ATG9A: variants seen among roughly 807,000 people sequenced by gnomAD.
The protein encoded by ATG9A is autophagy related 9A.
Under a neutral mutation model 87.1 loss-of-function variants are expected in ATG9A, and 21 were observed. That is an observed-to-expected ratio of 0.24 (90% confidence interval 0.17 to 0.35). The LOEUF is 0.35. Among genes scored for constraint, ATG9A ranks in the 10% least tolerant of loss-of-function variants. The probability of loss-of-function intolerance (pLI) is 1.00; values close to 1 mark genes in which losing one functional copy is unlikely to be tolerated. For missense variants in ATG9A, 836 were observed against 1,107.3 expected (o/e 0.76, Z 3.48); for synonymous variants, 422 against 441.3 (o/e 0.96, Z 0.55).
At chr2:219,225,711 T>G in intron 5 of ATG9A, 139 bp from the exon 6 acceptor site, 1 of 900,356 alleles carries the variant, frequency 1.1e-6, no homozygotes, top group Non-Finnish European at 1.7e-6. Context: ...GGGCCCTCTC[T>G]GCTCCTCAGC....
rs1950724771 is a variant in ATG9A at position 219,220,317 on chromosome 2, GCA to G, written c.*128_*129del. ...CAGTGTTGGCACCTCCCTTGGCCAG[GCA>G]CAGACACACAAACACCACACACGTG... On this transcript the variant is annotated 3_prime_UTR_variant, in exon 16 of 16. Transcript: ENST00000361242. The G allele has an allele frequency of 7.8e-7, 1 of 1,285,044 alleles. No individual in the cohort carries two copies. The highest frequency in any genetic ancestry group is 1.1e-6 in the Non-Finnish European group (1 of 915,404). 79.6% of individuals were successfully genotyped at this position (1,285,044 alleles called of 1,614,324 possible).
In ATG9A at chr2:219,224,978, A is replaced by T; in HGVS notation, c.516+93T>A. The T allele has an allele frequency of 1.3e-6, 2 of 1,578,726 alleles. No individual in the cohort carries two copies. Among genetic ancestry groups the T allele is most frequent in the Non-Finnish European group, 1.7e-6 (2 of 1,153,008 alleles). On this transcript the variant is annotated intron_variant, in intron 7 of 15. Coordinates refer to ENST00000361242, the MANE Select transcript of ATG9A (RefSeq NM_001077198.3). This position sits in a 1 kb window ranked among gnomAD's most constrained non-coding sequence, Gnocchi z 7.7. ...TTAAGAGACAGTTCCTGATTTGTCA[A>T]TGACAGATAAGGATAACTGATGCCC... is the stretch of plus-strand genomic sequence containing the variant.
At position 219,227,907 on chromosome 2, in the gene ATG9A, T is replaced by A. The variant is rs1271132609; in HGVS notation, c.103+15A>T. The A allele has an allele frequency of 6.2e-7, 1 of 1,613,828 alleles. No homozygotes were observed. Among genetic ancestry groups the A allele is most frequent in the Admixed American group, 1.7e-5 (1 of 60,004 alleles). The stretch of plus-strand genomic sequence containing the variant: ...CCATCAACTCTCCCTATGGCTGTCA[T>A]ATCCAAGAACTCACACTTGCTCCCC... On this transcript the variant is annotated intron_variant, in intron 3 of 15. Coordinates refer to ENST00000361242, the MANE Select transcript of ATG9A (RefSeq NM_001077198.3).
rs1950815281 is a variant in ATG9A at position 219,223,983 on chromosome 2, C to T, written c.1305G>A (p.Glu435=). The T allele has an allele frequency of 6.2e-7, 1 of 1,613,602 alleles. No individual in the cohort carries two copies. The highest frequency in any genetic ancestry group is 1.3e-5 in the African/African-American group (1 of 74,938). The change falls in exon 9 of 16, where the codon GAG becomes GAA. Residue 435 remains glutamate, a synonymous_variant. Transcript: ENST00000361242. The surrounding 1 kb of genome is among the most constrained non-coding windows in gnomAD (Gnocchi z 4.7). Reference sequence around the variant, plus strand: ...GAGCGAGGATCACGCGGAGCAGCTGCTCAGGGCAGAACACCATGTGCTGGT... The same window carrying T: ...GAGCGAGGATCACGCGGAGCAGCTGTTCAGGGCAGAACACCATGTGCTGGT... ...IPDQHMVFCP[E]QLLRVILAHI...
chr2:219,225,971 C>A (rs569935220), intron 5 of ATG9A, among the ~76,000 whole-genome samples: 2 of 152,344 alleles, frequency 1.3e-5, no homozygotes, highest in Admixed American at 1.3e-4. Context: ...GCTTCTCTCT[C>A]CCAGGAGGCT....
chr2:219,228,032 G>GC lies in ATG9A; in HGVS notation c.-9dup. 1.2e-6 allele frequency: 2 copies of GC among 1,610,102 alleles called. No individual in the cohort carries two copies. The highest frequency in any genetic ancestry group is 2.2e-5 in the East Asian group (1 of 44,832). ...AGTGTCAAACTGCGCCATCACCACCGCCCCCTGTCCACCTTGACCACCTGC... is the reference window on the plus strand; with the variant it reads ...AGTGTCAAACTGCGCCATCACCACCGCCCCCCTGTCCACCTTGACCACCTGC... On this transcript the variant is annotated 5_prime_UTR_variant, in exon 3 of 16. Transcript: ENST00000361242.
At chr2:219,227,368 A>G (rs1950883007) in intron 4 of ATG9A, among the ~76,000 whole-genome samples, 1 of 152,088 alleles carries the variant, frequency 6.6e-6, no homozygotes, top group Non-Finnish European at 1.5e-5. Context: ...AATACAAAAA[A>G]TAGCTGGGCA....
Position 219,221,163 on chromosome 2 carries a change from T to C in ATG9A, c.2285A>G (p.Tyr762Cys). 6.2e-7 allele frequency: 1 copy of C among 1,607,722 alleles called. No individual in the cohort carries two copies. The highest frequency in any genetic ancestry group is 8.5e-7 in the Non-Finnish European group (1 of 1,177,198). Residue 762 changes from tyrosine to cysteine, a missense_variant, in exon 14 of 16, where the codon TAT becomes TGT. Coordinates refer to ENST00000361242, the MANE Select transcript of ATG9A (RefSeq NM_001077198.3). ...APQSIPRSAS[Y>C]PCAAPRPGAP... ...TCCAGGCCGGGGTGCTGCACAGGGATAGCTAGCAGAGCGAGGGATAGACTG... is the reference window on the plus strand; with the variant it reads ...TCCAGGCCGGGGTGCTGCACAGGGACAGCTAGCAGAGCGAGGGATAGACTG...
chr2:219,220,612 G>A, intron 15 of ATG9A, 135 bp downstream of exon 15: 4 of 1,478,152 alleles, frequency 2.7e-6, no homozygotes, highest in South Asian at 2.5e-5. Context: ...GAAAAGAAGG[G>A]GTAGTGTGTT....
In ATG9A at chr2:219,224,062, C is replaced by G. The variant is rs1309984467; in HGVS notation, c.1266-40G>C. ...ATCATGGTGAGATGTATGCCTTTCC[C>G]AGGAATGCTAGCCGGCTTGCTCCCG... On this transcript the variant is annotated intron_variant, in intron 8 of 15. Transcript: ENST00000361242. This position sits in a 1 kb window ranked among gnomAD's most constrained non-coding sequence, Gnocchi z 7.7. The G allele has an allele frequency of 6.2e-7, 1 of 1,605,480 alleles. No individual in the cohort carries two copies. Among genetic ancestry groups the G allele is most frequent in the African/African-American group, 1.3e-5 (1 of 74,794 alleles).
Position 219,224,070 on chromosome 2 carries a change from C to A in ATG9A, c.1265+36G>T. On this transcript the variant is annotated intron_variant, in intron 8 of 15. Transcript: ENST00000361242. The surrounding 1 kb of genome is among the most constrained non-coding windows in gnomAD (Gnocchi z 7.7). Reference sequence around the variant, plus strand: ...GAGATGTATGCCTTTCCCAGGAATGCTAGCCGGCTTGCTCCCGCCTGTGGC... The same window carrying A: ...GAGATGTATGCCTTTCCCAGGAATGATAGCCGGCTTGCTCCCGCCTGTGGC... The A allele has an allele frequency of 1.2e-6, 2 of 1,606,528 alleles. No homozygotes were observed. Among genetic ancestry groups the A allele is most frequent in the Non-Finnish European group, 1.7e-6 (2 of 1,175,128 alleles).
In ATG9A at chr2:219,223,677, C is replaced by G; in HGVS notation, c.1507G>C (p.Asp503His). The change falls in exon 10 of 16, where the codon GAC (aspartate) becomes CAC (histidine). Residue 503 changes from aspartate (D) to histidine (H), a missense_variant. Physicochemically the swap from Asp to His is moderately conservative, Grantham distance 81. This residue lies in a region of ATG9A where 512 missense variants were observed against 759.6 expected (regional missense o/e 0.67). Transcript: ENST00000361242. This position sits in a 1 kb window ranked among gnomAD's most constrained non-coding sequence, Gnocchi z 4.7. ...TCCACGGTGAAGTTTCGGAAGAAGT[C>G]TATAATCTCCAGGGCCCGTGGGCGC... is the stretch of plus-strand genomic sequence containing the variant. ...CLRPRALEIIDFFRNFTVEVV... is the reference protein window; with the variant it reads ...CLRPRALEIIHFFRNFTVEVV... 1 of 1,613,900 alleles carries G rather than the reference C, an allele frequency of 6.2e-7. No homozygotes were observed.
Position 219,222,331 on chromosome 2 carries a change from G to A in ATG9A, c.1968C>T (p.Ser656=), listed in dbSNP as rs1251342488. ...AEVASALRSF[S]PLQPGQAPTG... is the part of the protein sequence containing the mutation. The stretch of plus-strand genomic sequence containing the variant: ...TGGGCGCCTGCCCGGGTTGCAGCGG[G>A]GAGAAGGAGCGCAGGGCAGAGGCGA... Residue 656 remains serine (S), a synonymous_variant, in exon 12 of 16, where the codon TCC becomes TCT. Transcript: ENST00000361242. This position sits in a 1 kb window ranked among gnomAD's most constrained non-coding sequence, Gnocchi z 4.3. The A allele has an allele frequency of 1.2e-6, 2 of 1,613,378 alleles. No individual in the cohort carries two copies. Among genetic ancestry groups the A allele is most frequent in the Admixed American group, 3.3e-5 (2 of 60,024 alleles).
Position 219,223,452 on chromosome 2 carries a change from C to T in ATG9A, c.1599+133G>A. ...AATTAGGGCTGAAATCCAGCCCAGG[C>T]TCCCAAGCAGTGTGCCCCTGGTATA... On this transcript the variant is annotated intron_variant, in intron 10 of 15. Transcript: ENST00000361242. This position sits in a 1 kb window ranked among gnomAD's most constrained non-coding sequence, Gnocchi z 4.7. 9.0e-7 allele frequency: 1 copy of T among 1,114,026 alleles called. No individual in the cohort carries two copies. Among genetic ancestry groups the T allele is most frequent in the Non-Finnish European group, 1.2e-6 (1 of 810,498 alleles). The allele number at this position is 1,114,026 out of a possible 1,614,324, so 69.0% of individuals were successfully genotyped here.
At chr2:219,225,900 G>A (rs1187359701) in intron 5 of ATG9A, among the ~76,000 whole-genome samples, 2 of 152,232 alleles carry the variant, frequency 1.3e-5, no homozygotes. Flanking sequence ...AAAAGCCCTT[G>A]GGGGAGTTTT....
At position 219,223,815 on chromosome 2, in the gene ATG9A, C is replaced by T. The variant is rs577554703; in HGVS notation, c.1420-51G>A. ...AGCGAGCAGGAGGGAGCCCAGCCCTCACCACCGAGCTACCAGCCAGTCTCT... is the reference window on the plus strand; with the variant it reads ...AGCGAGCAGGAGGGAGCCCAGCCCTTACCACCGAGCTACCAGCCAGTCTCT... On this transcript the variant is annotated intron_variant, in intron 9 of 15. Coordinates refer to ENST00000361242, the MANE Select transcript of ATG9A (RefSeq NM_001077198.3). The surrounding 1 kb of genome is among the most constrained non-coding windows in gnomAD (Gnocchi z 4.7). The T allele has an allele frequency of 4.5e-5, 73 of 1,613,942 alleles. No individual in the cohort carries two copies. In the South Asian group the frequency reaches 7.4e-4, roughly 16 times the overall value.
chr2:219,228,155 C>T (rs892006572), intron 2 of ATG9A, 102 bp from the exon 3 acceptor site: 2 of 739,932 alleles, frequency 2.7e-6, no homozygotes, highest in Non-Finnish European at 4.4e-6. Flanking sequence ...GGGCTTTGTC[C>T]ACTACCAGCC....
chr2:219,227,082 T>C (rs1309408455), intron 4 of ATG9A, 149 bp from the exon 5 acceptor site: 2 of 680,666 alleles, frequency 2.9e-6, no homozygotes, highest in African/African-American at 3.6e-5. Flanking sequence ...CTTTTGTCTG[T>C]CCATGGTGGT....
In ATG9A at chr2:219,222,268, T is replaced by C; in HGVS notation, c.2027+4A>G. 1 of 1,613,428 alleles carries C rather than the reference T, an allele frequency of 6.2e-7. No individual in the cohort carries two copies. Among genetic ancestry groups the C allele is most frequent in the Non-Finnish European group, 8.5e-7 (1 of 1,180,006 alleles). On this transcript the variant is annotated splice_donor_region_variant and intron_variant, in intron 12 of 15. Coordinates refer to ENST00000361242, the MANE Select transcript of ATG9A (RefSeq NM_001077198.3). This position sits in a 1 kb window ranked among gnomAD's most constrained non-coding sequence, Gnocchi z 4.3. ...CCCTCCCATCTTGGCCCCGATTTAC[T>C]CACCCAGAGCCTGTCATGGTGCTGT...
Sources: allele counts gnomAD v4.1 joint callset (sites outside exome capture counted in the v4.1 genomes callset), GRCh38; gene constraint gnomAD v4.1.1; regional missense constraint gnomAD v4.1.1; non-coding constraint Gnocchi (gnomAD v3.1); transcripts MANE v1.5; gene names NCBI Gene and HGNC (gene_info 2026-07-23, HGNC 2026-07-21).